The following SBNO1 variants were observed in gnomAD, a reference collection of about 807,000 sequenced individuals.
The protein encoded by SBNO1 is protein strawberry notch homolog 1.
A neutral mutation model predicts 173.6 loss-of-function variants in SBNO1; 23 were observed. The ratio of observed to expected loss-of-function variants is 0.13; its 90% CI spans 0.10 to 0.19. SBNO1 has a LOEUF of 0.19. SBNO1 is among the 10% of genes least tolerant of loss of function. The probability of loss-of-function intolerance (pLI) is 1.00; values close to 1 mark genes in which losing one functional copy is unlikely to be tolerated. For synonymous variants in SBNO1, 632 were observed against 571.5 expected (o/e 1.11, Z -1.51); for missense variants, 1,238 against 1,671.2 (o/e 0.74, Z 4.52).
rs949708028 is a variant in SBNO1 at position 123,292,733 on chromosome 12, T to C, written c.*3175A>G. 5 of 152,318 alleles carry C rather than the reference T, an allele frequency of 3.3e-5. No individual in the cohort carries two copies. In the South Asian group the frequency reaches 8.3e-4, roughly 25 times the overall value. The allele number at this position is 152,318 out of a possible 1,614,324, so 9.4% of individuals were successfully genotyped here. On this transcript the variant is annotated 3_prime_UTR_variant, in exon 32 of 32. Transcript: ENST00000602398. ...ATATAGATACATACACACACTACATTGCTTTGGATGCAGGTTCTTACTAAT... is the reference window on the plus strand; with the variant it reads ...ATATAGATACATACACACACTACATCGCTTTGGATGCAGGTTCTTACTAAT...
chr12:123,290,382 C>A lies in SBNO1; in HGVS notation c.*5526G>T, dbSNP rs533145704. 1.3e-5 allele frequency: 2 copies of A among 152,326 alleles called. No homozygotes were observed. Among genetic ancestry groups the A allele is most frequent in the South Asian group, 4.1e-4 (2 of 4,828 alleles). The allele number at this position is 152,326 out of a possible 1,614,324, so 9.4% of individuals were successfully genotyped here. A position where few individuals can be genotyped will look rare whatever the true frequency, so the allele number is the denominator to read the frequency against. On this transcript the variant is annotated 3_prime_UTR_variant, in exon 32 of 32. Coordinates refer to ENST00000602398, the MANE Select transcript of SBNO1 (RefSeq NM_001167856.3). ...AATGAAAAGGCCCCAAAGACGCTCA[C>A]GGCAATCCTTGAAAGTTATAAAGGA...
At chr12:123,308,217 A>G (rs2048968856) in intron 28 of SBNO1, among the ~76,000 whole-genome samples, 1 of 152,234 alleles carries the variant, frequency 6.6e-6, no homozygotes, top group South Asian at 2.1e-4. Context: ...CTACACATAC[A>G]TGTATAGATG....
At chr12:123,338,622 T>C (rs369593986) in intron 5 of SBNO1, among the ~76,000 whole-genome samples, 1 of 147,548 alleles carries the variant, frequency 6.8e-6, no homozygotes, top group Admixed American at 6.7e-5. Context: ...GAAGGGGAGG[T>C]TGCAGTGAGC....
chr12:123,297,861 C>T lies in SBNO1; in HGVS notation c.4039+117G>A, dbSNP rs1276467170. The T allele has an allele frequency of 1.1e-5, 10 of 869,958 alleles. No homozygotes were observed. The Admixed American group carries it at 2.3e-4, about 20-fold the overall frequency. The allele number at this position is 869,958 out of a possible 1,614,324, so 53.9% of individuals were successfully genotyped here. ...TAAGAAATATAAAACGGGTCCCATA[C>T]CCACTACTGGAAGAGATGTTAGATG... is the stretch of plus-strand genomic sequence containing the variant. On this transcript the variant is annotated intron_variant, in intron 31 of 31. Coordinates refer to ENST00000602398, the MANE Select transcript of SBNO1 (RefSeq NM_001167856.3).
chr12:123,333,259 C>G (rs1871429577), intron 7 of SBNO1, among the ~76,000 whole-genome samples: 1 of 147,312 alleles, frequency 6.8e-6, no homozygotes, highest in Non-Finnish European at 1.5e-5. Context: ...TGGAATATGA[C>G]TGAAATCATT....
At chr12:123,347,314 C>A (rs1873305692) in intron 3 of SBNO1, among the ~76,000 whole-genome samples, 1 of 151,698 alleles carries the variant, frequency 6.6e-6, no homozygotes, top group African/African-American at 2.4e-5. Context: ...GCAAGTTCTA[C>A]CTCCCGGGTA....
At chr12:123,308,332 T>C (rs756313981) in intron 28 of SBNO1, among the ~76,000 whole-genome samples, 57 of 152,114 alleles carry the variant, frequency 3.7e-4, no homozygotes, top group Non-Finnish European at 7.2e-4. Context: ...TATAAAGCAT[T>C]ATTAAGACTA....
chr12:123,342,321 G>T (rs1165068302), intron 4 of SBNO1, among the ~76,000 whole-genome samples: 1 of 151,764 alleles, frequency 6.6e-6, no homozygotes, highest in Non-Finnish European at 1.5e-5. Flanking sequence ...CGTGGTGGCG[G>T]GCGCCTGTAG....
chr12:123,364,164 G>A (rs1306598029), intron 1 of SBNO1: 1 of 985,566 alleles, frequency 1.0e-6, no homozygotes, highest in Non-Finnish European at 1.2e-6. Flanking sequence ...CCAAGAGCGG[G>A]GCATGTACGA....
intron 27 of SBNO1, 42 bp downstream of exon 27, chr12:123,309,447 T>A (rs748957316): frequency 6.3e-7 from 1 of 1,599,240 alleles, no homozygotes; most frequent in African/African-American, 1.3e-5. Context: ...TGTAAATGCA[T>A]CTCATGGGAA....
chr12:123,289,636 T>A lies in SBNO1; in HGVS notation c.*6272A>T, dbSNP rs774197998. The A allele has an allele frequency of 6.6e-6, 1 of 152,252 alleles. No homozygotes were observed. Among genetic ancestry groups the A allele is most frequent in the Non-Finnish European group, 1.5e-5 (1 of 68,050 alleles). The allele number at this position is 152,252 out of a possible 1,614,324, so 9.4% of individuals were successfully genotyped here. ...GAGGTAGAACCTGGCCAAAGTTTTATTGCAGAGATACAGTGTACCTCTTCC... is the reference window on the plus strand; with the variant it reads ...GAGGTAGAACCTGGCCAAAGTTTTAATGCAGAGATACAGTGTACCTCTTCC... On this transcript the variant is annotated 3_prime_UTR_variant, in exon 32 of 32. Transcript: ENST00000602398.
At chr12:123,298,874 G>A (rs1460485113) in intron 30 of SBNO1, among the ~76,000 whole-genome samples, 1 of 152,042 alleles carries the variant, frequency 6.6e-6, no homozygotes, top group African/African-American at 2.4e-5. Context: ...AGTATTGTTC[G>A]AGTTCAGGAG....
intron 15 of SBNO1, among the ~76,000 whole-genome samples, chr12:123,324,242 G>C (rs1338747774): frequency 1.3e-5 from 2 of 151,508 alleles, no homozygotes; most frequent in Admixed American, 1.3e-4. Flanking sequence ...CATGTGACAA[G>C]CGGCTGCCAT....
At chr12:123,339,802 A>G (rs1872313205) in intron 5 of SBNO1, among the ~76,000 whole-genome samples, 1 of 151,878 alleles carries the variant, frequency 6.6e-6, no homozygotes, top group Admixed American at 6.6e-5. Context: ...CAACAACAAC[A>G]ATAAAAACCT....
chr12:123,312,232 G>A (rs1025421602), intron 24 of SBNO1, among the ~76,000 whole-genome samples: 1 of 152,064 alleles, frequency 6.6e-6, no homozygotes, highest in Non-Finnish European at 1.5e-5. Context: ...GAGCCACTGT[G>A]CCCAGACCAG....
chr12:123,362,194 T>C (rs906842455), intron 1 of SBNO1, among the ~76,000 whole-genome samples: 7 of 150,142 alleles, frequency 4.7e-5, no homozygotes, highest in South Asian at 2.1e-4. Flanking sequence ...CCCAGCACTT[T>C]GGGAGGCCGA....
intron 1 of SBNO1, among the ~76,000 whole-genome samples, chr12:123,354,774 A>ACT (rs1210202577): frequency 1.3e-5 from 2 of 152,362 alleles, no homozygotes; most frequent in Middle Eastern, 3.4e-3. Context: ...GTGTGTCTAC[A>ACT]AAGGAATTCA....
At chr12:123,343,537 C>CTT (rs58841947) in intron 4 of SBNO1, among the ~76,000 whole-genome samples, 2,656 of 135,450 alleles carry the variant, frequency 0.02, 41 homozygotes, top group Non-Finnish European at 0.028. Flanking sequence ...CACTTACCAT[C>CTT]TTTTTTTTTT....
At chr12:123,335,012 G>C (rs1871669667) in intron 6 of SBNO1, among the ~76,000 whole-genome samples, 1 of 152,138 alleles carries the variant, frequency 6.6e-6, no homozygotes, top group African/African-American at 2.4e-5. Flanking sequence ...AATATAGTGA[G>C]ACCCTCATCT....
Sources: allele counts gnomAD v4.1 joint callset (sites outside exome capture counted in the v4.1 genomes callset), GRCh38; gene constraint gnomAD v4.1.1; transcripts MANE v1.5; gene names NCBI Gene and HGNC (gene_info 2026-07-23, HGNC 2026-07-21).